The following MROH1 variants were observed in gnomAD, a reference collection of about 807,000 sequenced individuals.
The protein encoded by MROH1 is maestro heat-like repeat-containing protein family member 1.
In MROH1, 117 loss-of-function variants were observed where a neutral mutation model predicts 116.5. That is an observed-to-expected ratio of 1.00 (90% CI 0.86 to 1.17). MROH1 has a LOEUF of 1.17. Ranked by LOEUF, MROH1 falls within the 50% of genes most tolerant of loss-of-function variation. The probability of loss-of-function intolerance (pLI) is 0.00; values close to 1 mark genes in which losing one functional copy is unlikely to be tolerated. For synonymous variants in MROH1, 921 were observed against 583.9 expected, an observed-to-expected ratio of 1.58 and a Z score of -8.32; for missense variants, 1,873 against 1,338.5, an observed-to-expected ratio of 1.40 and a Z score of -6.23.
At position 144,240,692 on chromosome 8, in the gene MROH1, G is replaced by C. The variant is rs1031053052; in HGVS notation, c.1935+15G>C. On this transcript the variant is annotated intron_variant, in intron 20 of 43. Coordinates refer to ENST00000326134, the MANE Select transcript of MROH1 (RefSeq NM_032450.3). The stretch of plus-strand genomic sequence containing the variant: ...CCCAGGAGAAGGTGGGGCACCTGCT[G>C]GCGTTCTTGGTGTGGTACTTGGGCT... The C allele has an allele frequency of 1.4e-6, 1 of 714,816 alleles. No homozygotes were observed. The allele number at this position is 714,816 out of a possible 1,614,324, so 44.3% of individuals were successfully genotyped here. A position where few individuals can be genotyped will look rare whatever the true frequency, so the allele number is the denominator to read the frequency against.
chr8:144,258,235 G>A lies in MROH1; in HGVS notation c.3792-542G>A, dbSNP rs899752215. Among the ~76,000 whole-genome samples, 20 of 152,286 alleles carry A rather than the reference G, an allele frequency of 1.3e-4. No individual in the cohort carries two copies. In the East Asian group the frequency reaches 2.1e-3, roughly 16 times the overall value. On this transcript the variant is annotated intron_variant, in intron 35 of 43. Transcript: ENST00000326134. Reference sequence around the variant, plus strand: ...TTGGCCAAGGTGGCCCCCATTGCACGCCCAGGGCGCCTGCTCTTCAGCACG... The same window carrying A: ...TTGGCCAAGGTGGCCCCCATTGCACACCCAGGGCGCCTGCTCTTCAGCACG...
At chr8:144,257,672 T>G (rs1000487296) in intron 35 of MROH1, among the ~76,000 whole-genome samples, 4 of 152,192 alleles carry the variant, frequency 2.6e-5, no homozygotes, top group Non-Finnish European at 4.4e-5. Context: ...GCGGGGCCAC[T>G]TGTTCCCTGC....
chr8:144,229,564 C>T (rs184650166), intron 14 of MROH1, among the ~76,000 whole-genome samples: 4 of 151,898 alleles, frequency 2.6e-5, no homozygotes, highest in Non-Finnish European at 5.9e-5. Flanking sequence ...TTTGTTTTGT[C>T]TTGTTTTTTT....
rs1220919958 is a variant in MROH1 at position 144,239,993 on chromosome 8, C to T, written c.1775-108C>T. The stretch of plus-strand genomic sequence containing the variant: ...TGGGAGCAGGTGGGGGGCAGCGGGG[C>T]GGCGGGGCCTGTCTGTGCTGAGCAT... On this transcript the variant is annotated intron_variant, in intron 18 of 43. Coordinates refer to ENST00000326134, the MANE Select transcript of MROH1 (RefSeq NM_032450.3). 1.1e-4 allele frequency: 78 copies of T among 714,832 alleles called. 1 individual carries two copies. In the Admixed American group the frequency reaches 1.2e-3, roughly 11 times the overall value. The allele number at this position is 714,832 out of a possible 1,614,324, so 44.3% of individuals were successfully genotyped here.
At chr8:144,233,542 TTC>T (rs1179615118) in intron 14 of MROH1, among the ~76,000 whole-genome samples, 6 of 149,164 alleles carry the variant, frequency 4.0e-5, no homozygotes, top group Admixed American at 1.3e-4. Context: ...ACCATCCACC[TTC>T]TCTCTCTACG....
chr8:144,205,901 A>T (rs1036052989), intron 12 of MROH1, among the ~76,000 whole-genome samples: 1 of 152,212 alleles, frequency 6.6e-6, no homozygotes, highest in African/African-American at 2.4e-5. Flanking sequence ...AAAATGCATA[A>T]ATCTTAACTG....
Position 144,191,789 on chromosome 8 carries a change from G to T in MROH1, c.789G>T (p.Leu263=), listed in dbSNP as rs757050015. Reference sequence around the variant, plus strand: ...CCAGTGAGAGGCTGGAAGAGCAGCTGCCCAAGCTCCTCCCTGGGATTCTCG... The same window carrying T: ...CCAGTGAGAGGCTGGAAGAGCAGCTTCCCAAGCTCCTCCCTGGGATTCTCG... ...LLPSERLEEQ[L]PKLLPGILAL... is the part of the protein sequence containing the mutation. The change falls in exon 9 of 44, where the codon CTG becomes CTT. Residue 263 remains leucine, a synonymous_variant. Transcript: ENST00000326134. 7 of 1,613,402 alleles carry T rather than the reference G, an allele frequency of 4.3e-6. No homozygotes were observed. The East Asian group carries it at 1.6e-4, about 36-fold the overall frequency.
chr8:144,246,794 G>A (rs1841994903), intron 29 of MROH1, among the ~76,000 whole-genome samples: 1 of 152,222 alleles, frequency 6.6e-6, no homozygotes, highest in East Asian at 1.9e-4. Context: ...CCAGGGAGGA[G>A]GTGTGGAAGT....
chr8:144,251,824 TC>T, intron 33 of MROH1: 1 of 157,798 alleles, frequency 6.3e-6, no homozygotes. Context: ...TGCCCCTCAG[TC>T]CCCTAGAGGG....
chr8:144,210,147 G>T (rs1833778716), intron 12 of MROH1, among the ~76,000 whole-genome samples: 1 of 151,572 alleles, frequency 6.6e-6, no homozygotes, highest in South Asian at 2.1e-4. Context: ...CACTTTAAAA[G>T]CCTACCTATG....
In MROH1 at chr8:144,241,055, A is replaced by G. The variant is rs1216071627; in HGVS notation, c.1999A>G (p.Lys667Glu). 9 of 775,862 alleles carry G rather than the reference A, an allele frequency of 1.2e-5. No individual in the cohort carries two copies. The highest frequency in any genetic ancestry group is 1.9e-5 in the Non-Finnish European group (8 of 415,970). The allele number at this position is 775,862 out of a possible 1,614,324, so 48.1% of individuals were successfully genotyped here. ...GAASSKEVVR[K>E]HLQELLETAR... ...TGCTTCAAGTAAGGAGGTGGTGAGG[A>G]AGCACCTTCAAGAGCTGCTGGAGAC... is the stretch of plus-strand genomic sequence containing the variant. The change falls in exon 21 of 44, where the codon AAG (lysine) becomes GAG (glutamate). Residue 667 changes from lysine (K) to glutamate (E), a missense_variant. Transcript: ENST00000326134.
Position 144,163,729 on chromosome 8 carries a change from T to C in MROH1, c.-56-42T>C. ...TAATTGCCTGTGAACTCAGATATCG[T>C]AGAGGCTTATGAATTAAATCTTGTG... On this transcript the variant is annotated intron_variant, in intron 2 of 43. Coordinates refer to ENST00000326134, the MANE Select transcript of MROH1 (RefSeq NM_032450.3). The surrounding 1 kb of genome is among the most constrained non-coding windows in gnomAD (Gnocchi z 4.4). 7.9e-7 allele frequency: 1 copy of C among 1,261,112 alleles called. No individual in the cohort carries two copies. Among genetic ancestry groups the C allele is most frequent in the Non-Finnish European group, 1.1e-6 (1 of 876,676 alleles). The allele number at this position is 1,261,112 out of a possible 1,614,324, so 78.1% of individuals were successfully genotyped here. A position where few individuals can be genotyped will look rare whatever the true frequency, so the allele number is the denominator to read the frequency against.
At chr8:144,260,635 G>A (rs1426087366) in intron 39 of MROH1, 42 bp from the exon 40 acceptor site, 3 of 773,604 alleles carry the variant, frequency 3.9e-6, no homozygotes, top group Admixed American at 1.7e-5. Context: ...GGCCTGCAGG[G>A]GCACAGCCTG....
At chr8:144,167,539 A>G (rs1821250780) in intron 3 of MROH1, among the ~76,000 whole-genome samples, 1 of 135,762 alleles carries the variant, frequency 7.4e-6, no homozygotes, top group South Asian at 2.4e-4. Flanking sequence ...TGTGGGGTGG[A>G]GTGGCCAGTT....
rs1320928941 is a variant in MROH1, at chr8:144,241,089, A to G, written c.2033A>G (p.Tyr678Cys). ...HLQELLETAR[Y>C]QEEAEREGLA... ...CAAGAGCTGCTGGAGACGGCCAGAT[A>G]CCAGGAGGAGGCAGAACGCGAGGTG... Residue 678 changes from tyrosine to cysteine, a missense_variant, in exon 21 of 44, where the codon TAC becomes TGC. Tyr to Cys is a radical substitution (Grantham distance 194). Coordinates refer to ENST00000326134, the MANE Select transcript of MROH1 (RefSeq NM_032450.3). 11 of 772,820 alleles carry G rather than the reference A, an allele frequency of 1.4e-5. No homozygotes were observed. Among genetic ancestry groups the G allele is most frequent in the Non-Finnish European group, 2.4e-5 (10 of 414,650 alleles). 47.9% of individuals were successfully genotyped at this position (772,820 alleles called of 1,614,324 possible).
intron 12 of MROH1, among the ~76,000 whole-genome samples, chr8:144,215,325 A>G (rs1018744140): frequency 3.3e-5 from 5 of 152,212 alleles, no homozygotes; most frequent in Admixed American, 6.5e-5. Flanking sequence ...CCTTAACACT[A>G]TAGGAAATGT....
At chr8:144,197,211 G>A (rs1236848048) in intron 10 of MROH1, among the ~76,000 whole-genome samples, 9 of 152,214 alleles carry the variant, frequency 5.9e-5, no homozygotes, top group Admixed American at 3.3e-4. Flanking sequence ...CCATTCATGC[G>A]GTCTGCCTGG....
In MROH1 at chr8:144,168,319, C is replaced by T. The variant is rs375965644; in HGVS notation, c.47C>T (p.Ala16Val). The stretch of plus-strand genomic sequence containing the variant: ...GAGCTGGCCTCCACCCTGCTGGACG[C>T]CATCACCGATAAGGACCCCCTGGTG... The part of the protein sequence containing the change: ...MKKLASTLLD[A>V]ITDKDPLVQE... The change falls in exon 4 of 44, where the codon GCC (alanine) becomes GTC (valine). Residue 16 changes from alanine to valine, a missense_variant. By Grantham distance (64) the Ala-to-Val change is moderately conservative. Coordinates refer to ENST00000326134, the MANE Select transcript of MROH1 (RefSeq NM_032450.3). The T allele has an allele frequency of 7.6e-5, 122 of 1,607,708 alleles. No homozygotes were observed. The highest frequency in any genetic ancestry group is 2.5e-4 in the South Asian group (23 of 90,814).
Position 144,223,220 on chromosome 8 carries a change from C to T in MROH1, c.1328C>T (p.Pro443Leu), listed in dbSNP as rs765205500. 3.4e-5 allele frequency: 55 copies of T among 1,604,280 alleles called. 1 individual carries two copies. In the South Asian group the frequency reaches 5.6e-4, roughly 16 times the overall value. The change falls in exon 14 of 44, where the codon CCC becomes CTC. Residue 443 changes from proline to leucine, a missense_variant. Pro to Leu is a moderately conservative substitution (Grantham distance 98, BLOSUM62 -3). Coordinates refer to ENST00000326134, the MANE Select transcript of MROH1 (RefSeq NM_032450.3). ...EYIVQQCALP[P>L]EQEPEKPGPG... ...ATCGTGCAGCAGTGCGCGCTGCCCCCCGAGCAGGAGGTAAGGGGCTGCCAC... is the reference window on the plus strand; with the variant it reads ...ATCGTGCAGCAGTGCGCGCTGCCCCTCGAGCAGGAGGTAAGGGGCTGCCAC...
Sources: allele counts gnomAD v4.1 joint callset (sites outside exome capture counted in the v4.1 genomes callset), GRCh38; gene constraint gnomAD v4.1.1; non-coding constraint Gnocchi (gnomAD v3.1); transcripts MANE v1.5; gene names NCBI Gene and HGNC (gene_info 2026-07-23, HGNC 2026-07-21).